Variants in TTC7A observed in about 807,000 individuals in gnomAD.
TTC7A encodes the protein tetratricopeptide repeat domain 7A.
TTC7A carries 110 observed loss-of-function variants against 103.7 expected under a neutral mutation model. That is an observed-to-expected ratio of 1.06 (90% CI 0.91 to 1.24). The LOEUF is 1.24. TTC7A is among the 50% of genes most tolerant of loss of function. The probability of loss-of-function intolerance (pLI) is 0.00; values close to 1 mark genes in which losing one functional copy is unlikely to be tolerated. For missense variants in TTC7A, 1,340 were observed against 1,116.3 expected (o/e 1.20, Z -2.86); for synonymous variants, 521 against 467.9 (o/e 1.11, Z -1.47).
At chr2:47,015,520 C>G (rs1261455216) in intron 11 of TTC7A, among the ~76,000 whole-genome samples, 1 of 152,208 alleles carries the variant, frequency 6.6e-6, no homozygotes, top group African/African-American at 2.4e-5. Flanking sequence ...TGTACTCCCA[C>G]TTACTAGCTG....
intron 15 of TTC7A, among the ~76,000 whole-genome samples, chr2:47,033,360 T>G (rs1325934826): frequency 6.6e-6 from 1 of 152,246 alleles, no homozygotes; most frequent in Non-Finnish European, 1.5e-5. Flanking sequence ...TGAGGCCTAT[T>G]AGAGGCGTCT....
chr2:47,006,795 T>C, intron 10 of TTC7A, 71 bp downstream of exon 10: 2 of 1,271,590 alleles, frequency 1.6e-6, no homozygotes, highest in Non-Finnish European at 2.3e-6. Context: ...ACAGAGGGGC[T>C]TTTCTGGCCA....
intron 18 of TTC7A, among the ~76,000 whole-genome samples, chr2:47,059,009 C>CCTT (rs1683547403): frequency 2.2e-5 from 1 of 44,702 alleles, no homozygotes; most frequent in Non-Finnish European, 3.6e-5. Flanking sequence ...CCTAAGCCTG[C>CCTT]TTTTTTTTTT....
intron 8 of TTC7A, among the ~76,000 whole-genome samples, chr2:46,997,027 G>C (rs1676274703): frequency 6.6e-6 from 1 of 152,026 alleles, no homozygotes; most frequent in African/African-American, 2.4e-5. Flanking sequence ...CGTTCAGACT[G>C]GAGTGCAGTG....
chr2:46,984,273 C>A (rs1166161067), intron 5 of TTC7A, among the ~76,000 whole-genome samples: 2 of 152,236 alleles, frequency 1.3e-5, no homozygotes, highest in East Asian at 1.9e-4. Context: ...TGGGGATGCT[C>A]ACGCCCTGCA....
chr2:47,055,305 C>T (rs1250646037), intron 18 of TTC7A, among the ~76,000 whole-genome samples: 1 of 152,206 alleles, frequency 6.6e-6, no homozygotes, highest in Non-Finnish European at 1.5e-5. Context: ...CGTGAATTCA[C>T]TCTTTGGTTG....
At chr2:47,041,921 G>GA (rs143516976) in intron 15 of TTC7A, among the ~76,000 whole-genome samples, 14,129 of 151,486 alleles carry the variant, frequency 0.093, 699 homozygotes, top group Non-Finnish European at 0.11. Flanking sequence ...AGATTAACGG[G>GA]AAAAAAAACG....
rs554982773 is a variant in TTC7A at position 47,070,773 on chromosome 2, G to A, written c.2356-2929G>A. Among the ~76,000 whole-genome samples, 7 of 152,258 alleles carry A rather than the reference G, an allele frequency of 4.6e-5. No individual in the cohort carries two copies. In the South Asian group the frequency reaches 1.0e-3, roughly 23 times the overall value. On this transcript the variant is annotated intron_variant, in intron 19 of 19. Transcript: ENST00000319190. ...TTCCCCCAGAGCCCTGCACCTCCCT[G>A]GAATCATGTCTGTGGCTATAACCAG...
intron 15 of TTC7A, among the ~76,000 whole-genome samples, chr2:47,040,684 T>G (rs1349144271): frequency 1.3e-5 from 2 of 152,222 alleles, no homozygotes; most frequent in African/African-American, 4.8e-5. Context: ...GGCCTGCGGC[T>G]TCAAAGCAGG....
chr2:46,932,529 G>T (rs1344034068), intron 2 of TTC7A, among the ~76,000 whole-genome samples: 1 of 152,044 alleles, frequency 6.6e-6, no homozygotes, highest in Non-Finnish European at 1.5e-5. Context: ...TTTCTTTTGT[G>T]TTATTTTACA....
rs951158001 is a variant in TTC7A, at chr2:47,053,706, G to A, written c.2152+1826G>A. On this transcript the variant is annotated intron_variant, in intron 18 of 19. Transcript: ENST00000319190. ...CCCACCTCAGCCTCCTGAGTAGCTG[G>A]GACTACAGGTGTGTGCCACCGTGCC... 2.4e-4 allele frequency among the ~76,000 whole-genome samples: 37 copies of A among 152,176 alleles called. 1 individual carries two copies. Among genetic ancestry groups the A allele is most frequent in the South Asian group, 6.2e-4 (3 of 4,810 alleles).
intron 10 of TTC7A, among the ~76,000 whole-genome samples, chr2:47,008,389 G>A (rs1677652312): frequency 1.3e-5 from 2 of 152,204 alleles, no homozygotes; most frequent in South Asian, 2.1e-4. Flanking sequence ...TGATAGCCTG[G>A]GAGGTAAGGA....
chr2:46,917,047 A>G, intron 1 of TTC7A: 1 of 611,388 alleles, frequency 1.6e-6, no homozygotes, highest in Non-Finnish European at 2.9e-6. Context: ...CTAAGTAGTT[A>G]GATGCCTTGA....
At chr2:46,963,605 A>G (rs1303174659) in intron 3 of TTC7A, among the ~76,000 whole-genome samples, 1 of 152,220 alleles carries the variant, frequency 6.6e-6, no homozygotes, top group Non-Finnish European at 1.5e-5. Context: ...AACCAGACTT[A>G]TGGTTATAAT....
At chr2:47,002,367 C>T (rs1283992112) in intron 8 of TTC7A, among the ~76,000 whole-genome samples, 3 of 152,158 alleles carry the variant, frequency 2.0e-5, no homozygotes, top group Non-Finnish European at 2.9e-5. Flanking sequence ...GAGGAAGAGA[C>T]GGTGAGAAGA....
At chr2:46,946,323 A>G (rs1018835918) in intron 1 of TTC7A, among the ~76,000 whole-genome samples, 2 of 152,232 alleles carry the variant, frequency 1.3e-5, no homozygotes, top group African/African-American at 4.8e-5. Context: ...GAACTGGGAT[A>G]GGTAGTAGGT....
In TTC7A at chr2:47,011,393, G is replaced by A. The variant is rs777553774; in HGVS notation, c.1350G>A (p.Val450=). The A allele has an allele frequency of 6.2e-7, 1 of 1,611,266 alleles. No individual in the cohort carries two copies. Among genetic ancestry groups the A allele is most frequent in the Non-Finnish European group, 8.5e-7 (1 of 1,179,902 alleles). The change falls in exon 11 of 20, where the codon GTG becomes GTA. Residue 450 remains valine (V), a synonymous_variant. Transcript: ENST00000319190. ...AGTTGCGGCCCTCGGACCCCACCGT[G>A]CCCCTGATGGCCGCGAAGGTCTGCA... The part of the protein sequence containing the change: ...CVKLRPSDPT[V]PLMAAKVCIG...
At chr2:46,982,972 A>T (rs146738646) in intron 5 of TTC7A, among the ~76,000 whole-genome samples, 1 of 152,278 alleles carries the variant, frequency 6.6e-6, no homozygotes, top group Non-Finnish European at 1.5e-5. Flanking sequence ...TCTCTCAAAA[A>T]AATAAATAAA....
rs78064634 is a variant in TTC7A, at chr2:47,024,376, C to T, written c.1641+17C>T. The T allele has an allele frequency of 0.017, 27,512 of 1,600,300 alleles. 271 individuals are homozygous for T. Among genetic ancestry groups the T allele is most frequent in the Non-Finnish European group, 0.021 (24,229 of 1,173,366 alleles). ...GTCCGACAGGTGGGTTGTCCGTGTT[C>T]CTAACCCCCGGGTCCTCGGGGGCTG... is the stretch of plus-strand genomic sequence containing the variant. On this transcript the variant is annotated intron_variant, in intron 14 of 19. Transcript: ENST00000319190.
Sources: gnomAD v4.1 joint callset for allele counts (sites outside exome capture counted in the v4.1 genomes callset) on GRCh38, gnomAD v4.1.1 for gene constraint, MANE v1.5 for transcripts, NCBI Gene and HGNC (gene_info 2026-07-23, HGNC 2026-07-21) for gene names.